The following FSTL5 variants were observed in gnomAD, a reference collection of about 807,000 sequenced individuals.
FSTL5 encodes the protein follistatin like 5, also known as follistatin-related protein 5.
In FSTL5, 62 loss-of-function variants were observed where a neutral mutation model predicts 89.1. That is an observed-to-expected ratio of 0.70 (90% CI 0.57 to 0.86). The LOEUF is 0.86. Among genes scored for constraint, FSTL5 ranks in the 40% least tolerant of loss-of-function variants. The pLI is 0.00. For missense variants in FSTL5, 1,057 were observed against 1,001.6 expected (o/e 1.06, Z -0.75); for synonymous variants, 383 against 346.2 (o/e 1.11, Z -1.18).
intron 1 of FSTL5, among the ~76,000 whole-genome samples, chr4:162,149,617 C>A (rs1209685399): frequency 6.6e-6 from 1 of 152,034 alleles, no homozygotes; most frequent in Admixed American, 6.5e-5. Flanking sequence ...CATGCCACTG[C>A]ACTCCTGCCT....
In FSTL5 at chr4:161,726,514, C is replaced by T. The variant is rs116540664; in HGVS notation, c.727+32897G>A. Reference sequence around the variant, plus strand: ...AAGTGCTGGGATTACAGGCATGAGCCGCCGCGCCTGGACAGGATGCAACTC... The same window carrying T: ...AAGTGCTGGGATTACAGGCATGAGCTGCCGCGCCTGGACAGGATGCAACTC... On this transcript the variant is annotated intron_variant, in intron 6 of 15. Transcript: ENST00000306100. 7.8e-3 allele frequency among the ~76,000 whole-genome samples: 1,191 copies of T among 151,990 alleles called. 10 individuals carry two copies. Among genetic ancestry groups the T allele is most frequent in the Non-Finnish European group, 0.013 (911 of 67,980 alleles).
chr4:161,405,691 A>T (rs953242313), intron 15 of FSTL5, among the ~76,000 whole-genome samples: 5 of 152,208 alleles, frequency 3.3e-5, no homozygotes, highest in African/African-American at 7.2e-5. Flanking sequence ...TTCATCTAAG[A>T]ACTTTAAACA....
At chr4:161,802,657 G>A (rs1057009490) in intron 4 of FSTL5, among the ~76,000 whole-genome samples, 6 of 151,306 alleles carry the variant, frequency 4.0e-5, no homozygotes, top group Admixed American at 6.6e-5. Context: ...GTTATGTCTC[G>A]GTATATCTTC....
intron 4 of FSTL5, among the ~76,000 whole-genome samples, chr4:161,836,116 A>G (rs1349492907): frequency 6.6e-6 from 1 of 152,022 alleles, no homozygotes; most frequent in African/African-American, 2.4e-5. Context: ...ATGGAATACT[A>G]TGCAGCCATA....
intron 2 of FSTL5, among the ~76,000 whole-genome samples, chr4:162,081,266 T>C (rs924941085): frequency 6.6e-6 from 1 of 151,580 alleles, no homozygotes; most frequent in Non-Finnish European, 1.5e-5. Context: ...TCATTAGAAT[T>C]GATCAGAACT....
intron 6 of FSTL5, among the ~76,000 whole-genome samples, chr4:161,703,647 C>T (rs1738475877): frequency 6.6e-6 from 1 of 152,184 alleles, no homozygotes; most frequent in South Asian, 2.1e-4. Context: ...TGTTTTCCAA[C>T]CATGAAATTG....
In FSTL5 at chr4:161,881,275, C is replaced by A. The variant is rs184851046; in HGVS notation, c.409+39129G>T. On this transcript the variant is annotated intron_variant, in intron 4 of 15. Coordinates refer to ENST00000306100, the MANE Select transcript of FSTL5 (RefSeq NM_020116.5). ...TTGTATTTCAATTCAACATTTTGTT[C>A]TTTGAAGACACACACACACTTTTTT... 4.5e-3 allele frequency among the ~76,000 whole-genome samples: 675 copies of A among 150,438 alleles called. 3 individuals carry two copies. The highest frequency in any genetic ancestry group is 0.016 in the African/African-American group (656 of 41,126).
chr4:161,711,591 C>G (rs1738782723), intron 6 of FSTL5, among the ~76,000 whole-genome samples: 1 of 151,998 alleles, frequency 6.6e-6, no homozygotes, highest in Admixed American at 6.6e-5. Flanking sequence ...TAAGAATTAA[C>G]ACCAATTCTT....
chr4:161,475,896 C>T (rs1444911359), intron 13 of FSTL5, among the ~76,000 whole-genome samples: 2 of 151,904 alleles, frequency 1.3e-5, no homozygotes, highest in Non-Finnish European at 2.9e-5. Flanking sequence ...ACTACAGTTG[C>T]CCACCACCAC....
intron 8 of FSTL5, among the ~76,000 whole-genome samples, chr4:161,580,528 A>AG (rs1733395961): frequency 6.6e-6 from 1 of 152,160 alleles, no homozygotes; most frequent in South Asian, 2.1e-4. Context: ...TCAAAGAAGA[A>AG]GGGGGATGCA....
At chr4:161,566,099 ACTATAT>A (rs1732795284) in intron 8 of FSTL5, among the ~76,000 whole-genome samples, 2 of 24,650 alleles carry the variant, frequency 8.1e-5, no homozygotes, top group South Asian at 3.9e-3. Context: ...TTTTTTTTGG[ACTATAT>A]ATATATATAT....
intron 10 of FSTL5, among the ~76,000 whole-genome samples, chr4:161,526,127 T>G (rs1731212068): frequency 6.6e-6 from 1 of 152,312 alleles, no homozygotes. Context: ...CTCTGTTGTT[T>G]TATTCTGCTT....
chr4:161,821,346 G>A (rs932841433), intron 4 of FSTL5, among the ~76,000 whole-genome samples: 3 of 152,080 alleles, frequency 2.0e-5, no homozygotes, highest in African/African-American at 4.8e-5. Context: ...CCAGAAACAG[G>A]TTTTCTTGAA....
At chr4:161,457,429 C>T (rs984411756) in intron 14 of FSTL5, among the ~76,000 whole-genome samples, 2 of 152,024 alleles carry the variant, frequency 1.3e-5, no homozygotes, top group Admixed American at 6.6e-5. Context: ...AATAAAGAAC[C>T]CATTTTTAGA....
intron 14 of FSTL5, 70 bp from the exon 15 acceptor site, chr4:161,455,198 T>TCATCTCTAAATAAA: frequency 7.8e-7 from 1 of 1,285,176 alleles, no homozygotes; most frequent in Non-Finnish European, 1.0e-6. Flanking sequence ...TAATTTTATT[T>TCATCTCTAAATAAA]AGAGATGAAA....
At chr4:162,095,023 C>T (rs1480114022) in intron 2 of FSTL5, among the ~76,000 whole-genome samples, 2 of 151,790 alleles carry the variant, frequency 1.3e-5, no homozygotes, top group African/African-American at 4.8e-5. Flanking sequence ...ATATACATGG[C>T]CAACACATGA....
intron 3 of FSTL5, among the ~76,000 whole-genome samples, chr4:161,998,301 G>C (rs1736360302): frequency 6.6e-6 from 1 of 151,940 alleles, no homozygotes; most frequent in Non-Finnish European, 1.5e-5. Flanking sequence ...ACAAGCCAGG[G>C]ATGTTTTCTC....
chr4:161,661,003 T>C lies in FSTL5; in HGVS notation c.728-4509A>G, dbSNP rs572585440. Among the ~76,000 whole-genome samples, 4 of 152,244 alleles carry C rather than the reference T, an allele frequency of 2.6e-5. No individual in the cohort carries two copies. In the East Asian group the frequency reaches 7.7e-4, roughly 29 times the overall value. ...TATTGTAATAGGATAATTAATATTG[T>C]AATGGGATTTCTGGGTCAATGGGAG... On this transcript the variant is annotated intron_variant, in intron 6 of 15. Transcript: ENST00000306100.
intron 2 of FSTL5, among the ~76,000 whole-genome samples, chr4:162,089,570 T>C (rs1281206836): frequency 7.1e-6 from 1 of 140,544 alleles, no homozygotes; most frequent in South Asian, 2.2e-4. Context: ...GAGGCGGAGG[T>C]TGCAGTGAGC....
Sources: allele counts gnomAD v4.1 joint callset (sites outside exome capture counted in the v4.1 genomes callset), GRCh38; gene constraint gnomAD v4.1.1; transcripts MANE v1.5; gene names NCBI Gene and HGNC (gene_info 2026-07-23, HGNC 2026-07-21).